The following AKAP6 variants were observed in gnomAD, a reference collection of about 807,000 sequenced individuals.
The protein encoded by AKAP6 is A-kinase anchor protein 6.
Under a neutral mutation model 188.5 loss-of-function variants are expected in AKAP6, and 58 were observed. The ratio of observed to expected loss-of-function variants is 0.31; its 90% confidence interval spans 0.25 to 0.38. AKAP6 has a LOEUF of 0.38. AKAP6 is among the 10% of genes least tolerant of loss of function. The pLI is 1.00. For synonymous variants in AKAP6, 989 were observed against 998.6 expected (o/e 0.99, Z 0.18); for missense variants, 2,710 against 2,740.0 (o/e 0.99, Z 0.24).
intron 12 of AKAP6, among the ~76,000 whole-genome samples, chr14:32,798,659 G>T (rs1398170164): frequency 6.6e-6 from 1 of 152,150 alleles, no homozygotes; most frequent in East Asian, 1.9e-4. Context: ...ACTTATAAGT[G>T]GGAGCTAAAC....
intron 1 of AKAP6, among the ~76,000 whole-genome samples, chr14:32,382,074 G>C (rs973938091): frequency 1.9e-4 from 29 of 152,196 alleles, no homozygotes; most frequent in African/African-American, 6.0e-4. Flanking sequence ...AAGGGGATTA[G>C]TAATACCTTA....
At chr14:32,762,060 G>A (rs2032557655) in intron 11 of AKAP6, among the ~76,000 whole-genome samples, 1 of 152,142 alleles carries the variant, frequency 6.6e-6, no homozygotes, top group Non-Finnish European at 1.5e-5. Flanking sequence ...GGAAAAGTGT[G>A]ATTGTGGGGT....
At chr14:32,683,708 G>A (rs1889791525) in intron 8 of AKAP6, among the ~76,000 whole-genome samples, 1 of 152,228 alleles carries the variant, frequency 6.6e-6, no homozygotes, top group Non-Finnish European at 1.5e-5. Flanking sequence ...GTTTCTCACA[G>A]AGGAGGCAGT....
At chr14:32,601,858 C>T (rs1324015258) in intron 7 of AKAP6, among the ~76,000 whole-genome samples, 2 of 152,180 alleles carry the variant, frequency 1.3e-5, no homozygotes, top group Non-Finnish European at 2.9e-5. Flanking sequence ...AATGTTGAGA[C>T]CCATGCAGCC....
chr14:32,727,055 GA>G (rs1196158989), intron 9 of AKAP6, among the ~76,000 whole-genome samples: 1 of 152,050 alleles, frequency 6.6e-6, no homozygotes, highest in African/African-American at 2.4e-5. Flanking sequence ...CAAATTTATG[GA>G]AATATCTAAG....
chr14:32,561,323 C>A (rs1485324437), intron 4 of AKAP6, among the ~76,000 whole-genome samples: 1 of 152,070 alleles, frequency 6.6e-6, no homozygotes, highest in African/African-American at 2.4e-5. Flanking sequence ...GGGTAAGAAC[C>A]TTAATTCTGC....
intron 7 of AKAP6, among the ~76,000 whole-genome samples, chr14:32,662,346 CAT>C (rs1367933634): frequency 1.3e-5 from 2 of 152,058 alleles, no homozygotes; most frequent in African/African-American, 2.4e-5. Flanking sequence ...CAATATAAAA[CAT>C]GACTTCATTT....
chr14:32,799,735 A>G (rs80100388), intron 12 of AKAP6, among the ~76,000 whole-genome samples: 2,293 of 152,110 alleles, frequency 0.015, 51 homozygotes, highest in African/African-American at 0.051. Context: ...ACGTTGTAGT[A>G]TGTCTTGGTG....
chr14:32,516,680 A>G (rs1249836404), intron 2 of AKAP6, among the ~76,000 whole-genome samples: 2 of 152,218 alleles, frequency 1.3e-5, no homozygotes, highest in South Asian at 2.1e-4. Flanking sequence ...ATACGGATAT[A>G]CTATAGAAGA....
chr14:32,462,728 A>G (rs969575890), intron 2 of AKAP6, among the ~76,000 whole-genome samples: 5 of 152,068 alleles, frequency 3.3e-5, no homozygotes, highest in African/African-American at 1.2e-4. Context: ...ACATAACAAT[A>G]TTTACCTTAA....
At chr14:32,543,621 T>G (rs1162027809) in intron 3 of AKAP6, among the ~76,000 whole-genome samples, 1 of 152,152 alleles carries the variant, frequency 6.6e-6, no homozygotes, top group Non-Finnish European at 1.5e-5. Context: ...GATTTTTAAC[T>G]TAACAACAAC....
chr14:32,420,002 G>T (rs1391191505), intron 1 of AKAP6, among the ~76,000 whole-genome samples: 2 of 152,140 alleles, frequency 1.3e-5, no homozygotes, highest in Non-Finnish European at 2.9e-5. Context: ...AATGCTCAAT[G>T]TACCTGAGAG....
chr14:32,803,083 C>G (rs960883048), intron 12 of AKAP6, among the ~76,000 whole-genome samples: 2 of 152,068 alleles, frequency 1.3e-5, no homozygotes, highest in Non-Finnish European at 2.9e-5. Context: ...GAGTGAGTCT[C>G]TGTCTTAAAA....
At chr14:32,448,835 G>A (rs1368183858) in intron 2 of AKAP6, among the ~76,000 whole-genome samples, 1 of 152,124 alleles carries the variant, frequency 6.6e-6, no homozygotes, top group Non-Finnish European at 1.5e-5. Flanking sequence ...GAGAGAGTAA[G>A]GGAGATATTA....
intron 5 of AKAP6, among the ~76,000 whole-genome samples, chr14:32,591,658 T>A (rs1253066041): frequency 2.0e-5 from 3 of 151,892 alleles, no homozygotes; most frequent in Non-Finnish European, 4.4e-5. Flanking sequence ...CTTTTTTTTT[T>A]TTTTTTCAAA....
intron 12 of AKAP6, among the ~76,000 whole-genome samples, chr14:32,807,807 ATTGT>A (rs2034128359): frequency 6.6e-6 from 1 of 152,342 alleles, no homozygotes; most frequent in Admixed American, 6.5e-5. Context: ...ACCTTCTCAC[ATTGT>A]TTGTTTCCTA....
At chr14:32,812,812 A>C (rs954108873) in intron 12 of AKAP6, among the ~76,000 whole-genome samples, 3 of 152,214 alleles carry the variant, frequency 2.0e-5, no homozygotes, top group Non-Finnish European at 4.4e-5. Context: ...AAATTATGAC[A>C]GTATCTAATT....
At chr14:32,352,254 CTT>C (rs564666869) in intron 1 of AKAP6, among the ~76,000 whole-genome samples, 1 of 140,636 alleles carries the variant, frequency 7.1e-6, no homozygotes, top group Admixed American at 7.2e-5. Flanking sequence ...CCTCCCATTT[CTT>C]TTTTTTTTTG....
At chr14:32,648,149 A>G (rs893444652) in intron 7 of AKAP6, among the ~76,000 whole-genome samples, 6 of 152,130 alleles carry the variant, frequency 3.9e-5, no homozygotes, top group African/African-American at 1.4e-4. Context: ...ATTTCCAGCT[A>G]TGCATTAAGT....
Sources: gnomAD v4.1 joint callset for allele counts (sites outside exome capture counted in the v4.1 genomes callset) on GRCh38, gnomAD v4.1.1 for gene constraint, MANE v1.5 for transcripts, NCBI Gene and HGNC (gene_info 2026-07-23, HGNC 2026-07-21) for gene names.